Variants in TSPAN12 observed in about 807,000 individuals in gnomAD.
TSPAN12 encodes tetraspanin 12.
In TSPAN12, 19 loss-of-function variants were observed where a neutral mutation model predicts 39.2. The ratio of observed to expected loss-of-function variants is 0.49; its 90% CI spans 0.34 to 0.71. TSPAN12 has a LOEUF of 0.71. TSPAN12 is among the 30% of genes least tolerant of loss of function. The pLI is 0.01. For synonymous variants in TSPAN12, 119 were observed against 124.8 expected, an observed-to-expected ratio of 0.95 and a Z score of 0.31; for missense variants, 314 against 359.9, an observed-to-expected ratio of 0.87 and a Z score of 1.03.
At chr7:120,809,037 C>T (rs71569047) in intron 6 of TSPAN12, among the ~76,000 whole-genome samples, 7,849 of 151,002 alleles carry the variant, frequency 0.052, 260 homozygotes, top group South Asian at 0.085. Flanking sequence ...GATGGCCATC[C>T]GCAAGCAGTC....
At chr7:120,835,941 A>C (rs1794467789) in intron 4 of TSPAN12, among the ~76,000 whole-genome samples, 1 of 152,132 alleles carries the variant, frequency 6.6e-6, no homozygotes, top group East Asian at 1.9e-4. Flanking sequence ...AGAATAATGA[A>C]GTAGATAAAA....
At chr7:120,790,126 G>C (rs1457148733) in intron 7 of TSPAN12, among the ~76,000 whole-genome samples, 2 of 152,148 alleles carry the variant, frequency 1.3e-5, no homozygotes, top group African/African-American at 4.8e-5. Context: ...CTGCAGGAGA[G>C]AGTTCTTCTC....
chr7:120,849,780 A>G (rs973211141), intron 2 of TSPAN12, among the ~76,000 whole-genome samples: 1 of 152,212 alleles, frequency 6.6e-6, no homozygotes, highest in African/African-American at 2.4e-5. Context: ...TCTGTCTCCT[A>G]GGCATGATCA....
intron 1 of TSPAN12, chr7:120,857,106 G>A (rs1249048732): frequency 2.5e-6 from 1 of 402,000 alleles, no homozygotes; most frequent in African/African-American, 2.1e-5. Flanking sequence ...CGTTCTCAGG[G>A]GACACGCGGC....
chr7:120,832,758 G>C (rs1794410585), intron 4 of TSPAN12, among the ~76,000 whole-genome samples: 1 of 152,118 alleles, frequency 6.6e-6, no homozygotes, highest in South Asian at 2.1e-4. Flanking sequence ...AGAGGAATGA[G>C]AGGTGAGGAA....
chr7:120,806,512 C>T (rs752951493), intron 7 of TSPAN12, 37 bp downstream of exon 7: 12 of 1,604,520 alleles, frequency 7.5e-6, no homozygotes, highest in Non-Finnish European at 9.4e-6. Flanking sequence ...CCTAAGAAAA[C>T]ATTTATCCAT....
intron 7 of TSPAN12, among the ~76,000 whole-genome samples, chr7:120,794,788 G>A (rs1448017595): frequency 6.6e-6 from 1 of 151,886 alleles, no homozygotes; most frequent in Non-Finnish European, 1.5e-5. Flanking sequence ...TATTTTTCCA[G>A]ATTTGTCTGT....
At chr7:120,811,263 G>A (rs1255714190) in intron 5 of TSPAN12, among the ~76,000 whole-genome samples, 2 of 152,168 alleles carry the variant, frequency 1.3e-5, no homozygotes, top group Admixed American at 6.5e-5. Flanking sequence ...CAGAGGAAAA[G>A]AAGTCATTAT....
At chr7:120,819,641 G>T (rs994075782) in intron 4 of TSPAN12, among the ~76,000 whole-genome samples, 4 of 152,102 alleles carry the variant, frequency 2.6e-5, no homozygotes, top group Admixed American at 6.6e-5. Context: ...AAATGATGTT[G>T]CAGCTTCACG....
rs571121272 is a variant in TSPAN12, at chr7:120,839,042, T to C, written c.150-130A>G. On this transcript the variant is annotated intron_variant, in intron 3 of 7. Coordinates refer to ENST00000222747, the MANE Select transcript of TSPAN12 (RefSeq NM_012338.4). The stretch of plus-strand genomic sequence containing the variant: ...TGATGCCTCAAAACTAGTGACTGCA[T>C]TGTTATTTTCAAAATCACTGTGCTA... 3.2e-4 allele frequency: 300 copies of C among 939,418 alleles called. 11 individuals carry two copies. In the South Asian group the frequency reaches 3.9e-3, roughly 12 times the overall value. The allele number at this position is 939,418 out of a possible 1,614,324, so 58.2% of individuals were successfully genotyped here.
intron 4 of TSPAN12, among the ~76,000 whole-genome samples, chr7:120,831,558 C>A (rs2116440019): frequency 6.6e-6 from 1 of 152,014 alleles, no homozygotes; most frequent in Middle Eastern, 3.4e-3. Flanking sequence ...AAGACAGATA[C>A]CACATGATCT....
intron 4 of TSPAN12, among the ~76,000 whole-genome samples, chr7:120,833,154 A>G (rs1794418469): frequency 6.6e-6 from 1 of 152,176 alleles, no homozygotes; most frequent in Non-Finnish European, 1.5e-5. Flanking sequence ...TTGGGCAGAT[A>G]CTGAACATAC....
At chr7:120,815,345 G>A (rs1794059010) in intron 5 of TSPAN12, among the ~76,000 whole-genome samples, 1 of 152,116 alleles carries the variant, frequency 6.6e-6, no homozygotes, top group Non-Finnish European at 1.5e-5. Flanking sequence ...CTCATCTTGA[G>A]TCGTAATCCC....
intron 7 of TSPAN12, among the ~76,000 whole-genome samples, chr7:120,800,047 G>A (rs1480101445): frequency 2.0e-5 from 3 of 151,614 alleles, no homozygotes; most frequent in Non-Finnish European, 4.4e-5. Context: ...CAGGAAAGGA[G>A]TGTTAACAAA....
chr7:120,788,740 G>C lies in TSPAN12; in HGVS notation c.770C>G (p.Thr257Arg). ...ATTCTTCAAGGACATCATTTGGTCT[G>C]TCCCCGGCTCCCTTCTATCATAATA... ...ALYYDRREPG[T>R]DQMMSLKNDN... Residue 257 changes from threonine to arginine, a missense_variant, in exon 8 of 8, where the codon ACA becomes AGA. Thr to Arg is a moderately conservative substitution (Grantham distance 71). Transcript: ENST00000222747. The C allele has an allele frequency of 6.2e-7, 1 of 1,614,130 alleles. No individual in the cohort carries two copies. Among genetic ancestry groups the C allele is most frequent in the Non-Finnish European group, 8.5e-7 (1 of 1,180,014 alleles).
rs1793444909 is a variant in TSPAN12 at position 120,788,173 on chromosome 7, T to C, written c.*419A>G. On this transcript the variant is annotated 3_prime_UTR_variant, in exon 8 of 8. Transcript: ENST00000222747. ...ATCGCTGAGTAATAAAAGTTATTAG[T>C]ATTTTCTAACTTCCTATGTTAGCAT... 5.8e-6 allele frequency: 1 copy of C among 172,806 alleles called. No individual in the cohort carries two copies. The highest frequency in any genetic ancestry group is 2.4e-5 in the African/African-American group (1 of 41,730). 10.7% of individuals were successfully genotyped at this position (172,806 alleles called of 1,614,324 possible).
intron 4 of TSPAN12, among the ~76,000 whole-genome samples, chr7:120,835,632 C>T (rs950677771): frequency 6.6e-6 from 1 of 152,038 alleles, no homozygotes; most frequent in Non-Finnish European, 1.5e-5. Flanking sequence ...CAATTTTATA[C>T]TCAGCAGAGA....
intron 5 of TSPAN12, among the ~76,000 whole-genome samples, chr7:120,814,746 C>T (rs1045755961): frequency 3.3e-5 from 5 of 152,156 alleles, no homozygotes; most frequent in African/African-American, 1.2e-4. Flanking sequence ...CTCGTTTATG[C>T]TAGCTATAAA....
At chr7:120,808,900 A>G (rs1793925392) in intron 6 of TSPAN12, among the ~76,000 whole-genome samples, 1 of 151,756 alleles carries the variant, frequency 6.6e-6, no homozygotes, top group Non-Finnish European at 1.5e-5. Flanking sequence ...GAGATTGTTG[A>G]GTTAAAATAA....
Sources: gnomAD v4.1 joint callset for allele counts (sites outside exome capture counted in the v4.1 genomes callset) on GRCh38, gnomAD v4.1.1 for gene constraint, MANE v1.5 for transcripts, NCBI Gene and HGNC (gene_info 2026-07-23, HGNC 2026-07-21) for gene names.